Variants in KCND2 observed in about 807,000 individuals in gnomAD.
The protein encoded by KCND2 is potassium voltage-gated channel subfamily D member 2.
In KCND2, 16 loss-of-function variants were observed where a neutral mutation model predicts 54.4. The ratio of observed to expected loss-of-function variants is 0.29; its 90% CI spans 0.20 to 0.45. The LOEUF is 0.45. Ranked by LOEUF, KCND2 falls within the 20% of genes least tolerant of loss-of-function variation. The probability of loss-of-function intolerance (pLI) is 1.00; values close to 1 mark genes in which losing one functional copy is unlikely to be tolerated. For missense variants in KCND2, 486 were observed against 824.2 expected, an observed-to-expected ratio of 0.59 and a Z score of 5.02; for synonymous variants, 317 against 310.7, an observed-to-expected ratio of 1.02 and a Z score of -0.21.
chr7:120,357,919 G>A (rs1455142870), intron 1 of KCND2, among the ~76,000 whole-genome samples: 3 of 152,064 alleles, frequency 2.0e-5, no homozygotes, highest in Non-Finnish European at 2.9e-5. Flanking sequence ...CAGCCACATC[G>A]GGGGTTGCAG....
intron 1 of KCND2, among the ~76,000 whole-genome samples, chr7:120,379,908 G>C (rs1434866137): frequency 6.6e-6 from 1 of 152,022 alleles, no homozygotes; most frequent in Non-Finnish European, 1.5e-5. Context: ...TTATGTCAAT[G>C]AAAGATAGAT....
intron 1 of KCND2, among the ~76,000 whole-genome samples, chr7:120,680,734 G>A (rs1792128942): frequency 1.3e-5 from 2 of 151,982 alleles, no homozygotes; most frequent in Admixed American, 1.3e-4. Flanking sequence ...TTGGGAGAAG[G>A]GAATTTGTTT....
At chr7:120,468,195 A>C (rs1246348101) in intron 1 of KCND2, among the ~76,000 whole-genome samples, 1 of 152,104 alleles carries the variant, frequency 6.6e-6, no homozygotes, top group Non-Finnish European at 1.5e-5. Flanking sequence ...TTTGTATATA[A>C]AGACTTTTCT....
At chr7:120,355,003 A>G (rs1800478013) in intron 1 of KCND2, among the ~76,000 whole-genome samples, 1 of 152,170 alleles carries the variant, frequency 6.6e-6, no homozygotes, top group African/African-American at 2.4e-5. Context: ...AAATTTAATC[A>G]TTCTTCTTGA....
At chr7:120,601,901 C>T (rs1044909802) in intron 1 of KCND2, among the ~76,000 whole-genome samples, 3 of 152,134 alleles carry the variant, frequency 2.0e-5, no homozygotes, top group Non-Finnish European at 4.4e-5. Flanking sequence ...ACGTGTGAGG[C>T]CAATATAGAA....
chr7:120,621,486 G>A (rs994001490), intron 1 of KCND2, among the ~76,000 whole-genome samples: 1 of 151,858 alleles, frequency 6.6e-6, no homozygotes, highest in African/African-American at 2.4e-5. Context: ...AATACAGGTC[G>A]ATACACTCTG....
intron 1 of KCND2, among the ~76,000 whole-genome samples, chr7:120,300,353 T>C (rs1330686740): frequency 1.3e-5 from 2 of 152,134 alleles, no homozygotes; most frequent in Non-Finnish European, 2.9e-5. Context: ...CTAACTAGTA[T>C]GTCCATAGGA....
intron 1 of KCND2, among the ~76,000 whole-genome samples, chr7:120,516,511 A>T (rs189367657): frequency 6.6e-6 from 1 of 152,216 alleles, no homozygotes; most frequent in East Asian, 1.9e-4. Context: ...CTAAATCCGA[A>T]TGAACTGAAG....
At chr7:120,302,106 T>C (rs1351388525) in intron 1 of KCND2, among the ~76,000 whole-genome samples, 1 of 152,178 alleles carries the variant, frequency 6.6e-6, no homozygotes, top group Admixed American at 6.5e-5. Flanking sequence ...GATATAAAGA[T>C]CTTTACCTAG....
chr7:120,626,593 C>G (rs1303171616), intron 1 of KCND2, among the ~76,000 whole-genome samples: 2 of 152,084 alleles, frequency 1.3e-5, no homozygotes, highest in Non-Finnish European at 2.9e-5. Context: ...ATCTCTAGAT[C>G]AGTCTATAAT....
intron 1 of KCND2, among the ~76,000 whole-genome samples, chr7:120,502,263 G>A (rs954724957): frequency 4.6e-5 from 7 of 151,958 alleles, no homozygotes; most frequent in African/African-American, 1.4e-4. Context: ...AGACAATAGG[G>A]TATTGCCTTT....
chr7:120,689,702 C>G (rs1267987982), intron 1 of KCND2, among the ~76,000 whole-genome samples: 2 of 152,206 alleles, frequency 1.3e-5, no homozygotes, highest in East Asian at 3.9e-4. Context: ...TTCTTTGTAG[C>G]ACGGAATATG....
chr7:120,400,048 A>G (rs556593776), intron 1 of KCND2, among the ~76,000 whole-genome samples: 1 of 152,228 alleles, frequency 6.6e-6, no homozygotes, highest in South Asian at 2.1e-4. Context: ...TATAAATTAA[A>G]ATTTCAGTGA....
At chr7:120,521,715 CTAT>C (rs1791695405) in intron 1 of KCND2, among the ~76,000 whole-genome samples, 1 of 152,058 alleles carries the variant, frequency 6.6e-6, no homozygotes, top group Admixed American at 6.6e-5. Flanking sequence ...ATAAATGTAA[CTAT>C]TTTTCTCTTT....
chr7:120,383,164 C>T (rs916172729), intron 1 of KCND2, among the ~76,000 whole-genome samples: 5 of 151,916 alleles, frequency 3.3e-5, no homozygotes, highest in Admixed American at 2.6e-4. Flanking sequence ...ACTCCTCATT[C>T]AATAATCCCC....
intron 1 of KCND2, among the ~76,000 whole-genome samples, chr7:120,466,125 G>A (rs925660599): frequency 6.6e-6 from 1 of 152,170 alleles, no homozygotes; most frequent in Admixed American, 6.6e-5. Context: ...GAGACAACCA[G>A]AGTGTCTGCA....
chr7:120,543,635 G>A (rs1207472309), intron 1 of KCND2, among the ~76,000 whole-genome samples: 1 of 151,900 alleles, frequency 6.6e-6, no homozygotes, highest in African/African-American at 2.4e-5. Context: ...TACAAATTAT[G>A]TCTAAACCTA....
rs189708979 is a variant in KCND2, at chr7:120,342,361, A to G, written c.1115+66614A>G. On this transcript the variant is annotated intron_variant, in intron 1 of 5. Transcript: ENST00000331113. ...TTGGTGAATGCTAGTTCTCTCTCAC[A>G]AAGGAGAGATTCAAATATTGAATGC... Among the ~76,000 whole-genome samples the G allele has an allele frequency of 1.6e-3, 244 of 152,322 alleles. 1 individual carries two copies. The highest frequency in any genetic ancestry group is 2.6e-3 in the Non-Finnish European group (180 of 68,006).
chr7:120,588,240 G>A (rs1054453585), intron 1 of KCND2, among the ~76,000 whole-genome samples: 2 of 152,100 alleles, frequency 1.3e-5, no homozygotes, highest in Middle Eastern at 3.2e-3. Flanking sequence ...TAACAGGTGT[G>A]TGTGAGGTTT....
Sources: allele counts gnomAD v4.1 joint callset (sites outside exome capture counted in the v4.1 genomes callset), GRCh38; gene constraint gnomAD v4.1.1; transcripts MANE v1.5; gene names NCBI Gene and HGNC (gene_info 2026-07-23, HGNC 2026-07-21).